The following LLPH variants were observed in gnomAD, a reference collection of about 807,000 sequenced individuals.
LLPH encodes LLP homolog, long-term synaptic facilitation factor, also known as protein LLP homolog.
In LLPH, 5 loss-of-function variants were observed where a neutral mutation model predicts 13.3. The ratio of observed to expected loss-of-function variants is 0.38; its 90% CI spans 0.20 to 0.79. The LOEUF (loss-of-function observed/expected upper bound fraction) is 0.79, where lower values mean the gene tolerates loss of function less well. Among genes scored for constraint, LLPH ranks in the 30% least tolerant of loss-of-function variants. The probability of loss-of-function intolerance (pLI) is 0.45; values close to 1 mark genes in which losing one functional copy is unlikely to be tolerated. For synonymous variants in LLPH, 32 were observed against 44.2 expected (o/e 0.72, Z 1.09); for missense variants, 129 against 152.1 (o/e 0.85, Z 0.80).
chr12:66,129,103 C>T lies in LLPH; in HGVS notation c.4G>A (p.Ala2Thr), dbSNP rs1348985308. 6.2e-7 allele frequency: 1 copy of T among 1,601,906 alleles called. No homozygotes were observed. The highest frequency in any genetic ancestry group is 8.5e-7 in the Non-Finnish European group (1 of 1,174,402). Residue 2 changes from alanine to threonine, a missense_variant, in exon 2 of 3, where the codon GCT becomes ACT. Physicochemically the swap from Ala to Thr is moderately conservative, Grantham distance 58. Coordinates refer to ENST00000266604, the MANE Select transcript of LLPH (RefSeq NM_032338.4). M[A>T]KSLRSKWKRK... ...TTCCACTTACTCCGTAAGCTTTTAG[C>T]CATGTTTTACCTGAAGTTAACAAAA...
In LLPH at chr12:66,128,928, T is replaced by A. The variant is rs1359488564; in HGVS notation, c.179A>T (p.Glu60Val). 9 of 1,612,934 alleles carry A rather than the reference T, an allele frequency of 5.6e-6. No homozygotes were observed. The highest frequency in any genetic ancestry group is 7.6e-6 in the Non-Finnish European group (9 of 1,179,198). The change falls in exon 2 of 3, where the codon GAG (glutamate) becomes GTG (valine). Residue 60 changes from glutamate to valine, a missense_variant. Physicochemically the swap from Glu to Val is moderately radical, Grantham distance 121 (BLOSUM62 -2). Coordinates refer to ENST00000266604, the MANE Select transcript of LLPH (RefSeq NM_032338.4). ...ATCTTTTACCTCACATTGCATTTTC[T>A]CTTGGCAATGTTTGGGTTTGGGTAC... ...VVVPKPKHCQ[E>V]KMQCEVKDEK...
Position 66,128,965 on chromosome 12 carries a change from C to G in LLPH, c.142G>C (p.Ala48Pro). The stretch of plus-strand genomic sequence containing the variant: ...TTGGGTTTGGGTACCACCACAGTTG[C>G]TATCTCTTGAACATCTTTCATTAAA... ...DVLMKDVQEI[A>P]TVVVPKPKHC... Residue 48 changes from alanine (A) to proline (P), a missense_variant, in exon 2 of 3, where the codon GCA becomes CCA. Transcript: ENST00000266604. The G allele has an allele frequency of 6.2e-7, 1 of 1,613,480 alleles. No homozygotes were observed. The highest frequency in any genetic ancestry group is 8.5e-7 in the Non-Finnish European group (1 of 1,179,544).
Position 66,124,032 on chromosome 12 carries a change from T to C in LLPH, c.212-14A>G, listed in dbSNP as rs1447563131. On this transcript the variant is annotated splice_polypyrimidine_tract_variant and intron_variant, in intron 2 of 2. Transcript: ENST00000266604. ...TTTTCATGTCATCTGCATAAAAAGA[T>C]GGAAAAACTATTAACACCATGTATG... 3.2e-6 allele frequency: 5 copies of C among 1,575,716 alleles called. No individual in the cohort carries two copies. The highest frequency in any genetic ancestry group is 2.3e-5 in the South Asian group (2 of 86,268).
intron 2 of LLPH, among the ~76,000 whole-genome samples, chr12:66,127,244 C>CA (rs2051503231): frequency 6.6e-6 from 1 of 152,198 alleles, no homozygotes. Context: ...CTATTCACAA[C>CA]ACCCATAAGG....
At chr12:66,124,258 G>C (rs2051482825) in intron 2 of LLPH, among the ~76,000 whole-genome samples, 1 of 152,192 alleles carries the variant, frequency 6.6e-6, no homozygotes, top group South Asian at 2.1e-4. Flanking sequence ...ATGGTTCTGA[G>C]CACATGTGAG....
Position 66,122,127 on chromosome 12 carries a change from C to T in LLPH, c.*1713G>A, listed in dbSNP as rs2051467383. ...AATTTTAAGCATTTAAAGTTATCTA[C>T]CAACTTTTCAATAAACTATTGAGAA... On this transcript the variant is annotated 3_prime_UTR_variant, in exon 3 of 3. Transcript: ENST00000266604. The T allele has an allele frequency of 1.3e-5, 2 of 152,120 alleles. No homozygotes were observed. The highest frequency in any genetic ancestry group is 6.5e-5 in the Admixed American group (1 of 15,278). The allele number at this position is 152,120 out of a possible 1,614,324, so 9.4% of individuals were successfully genotyped here. A position where few individuals can be genotyped will look rare whatever the true frequency, so the allele number is the denominator to read the frequency against.
rs1351779938 is a variant in LLPH at position 66,121,703 on chromosome 12, G to A, written c.*2137C>T. The A allele has an allele frequency of 6.6e-6, 1 of 151,618 alleles. No homozygotes were observed. Among genetic ancestry groups the A allele is most frequent in the Non-Finnish European group, 1.5e-5 (1 of 67,956 alleles). 9.4% of individuals were successfully genotyped at this position (151,618 alleles called of 1,614,324 possible). On this transcript the variant is annotated 3_prime_UTR_variant, in exon 3 of 3. Transcript: ENST00000266604. ...AGTTTGAGACCAGCCTGGGCAACAT[G>A]GCGAAACCCTGTCTCTACAAAAATA...
rs2051477139 is a variant in LLPH at position 66,123,527 on chromosome 12, A to G, written c.*313T>C. 2 of 292,812 alleles carry G rather than the reference A, an allele frequency of 6.8e-6. No individual in the cohort carries two copies. Among genetic ancestry groups the G allele is most frequent in the South Asian group, 1.7e-4 (2 of 11,888 alleles). The allele number at this position is 292,812 out of a possible 1,614,324, so 18.1% of individuals were successfully genotyped here. On this transcript the variant is annotated 3_prime_UTR_variant, in exon 3 of 3. Coordinates refer to ENST00000266604, the MANE Select transcript of LLPH (RefSeq NM_032338.4). Reference sequence around the variant, plus strand: ...ATCATCTGTTTTATCTCTATTGACTATAATTACCAGTTGTAAGAACAATTC... The same window carrying G: ...ATCATCTGTTTTATCTCTATTGACTGTAATTACCAGTTGTAAGAACAATTC...
rs930558063 is a variant in LLPH at position 66,123,751 on chromosome 12, A to C, written c.*89T>G. ...TAAAATAGGAAAACAAATGGTTTTC[A>C]TTTGGTGGCAGTTGAAATCAAAGTA... On this transcript the variant is annotated 3_prime_UTR_variant, in exon 3 of 3. Transcript: ENST00000266604. 1.2e-5 allele frequency: 16 copies of C among 1,373,370 alleles called. No homozygotes were observed. The highest frequency in any genetic ancestry group is 1.6e-5 in the Non-Finnish European group (16 of 1,016,762). The allele number at this position is 1,373,370 out of a possible 1,614,324, so 85.1% of individuals were successfully genotyped here.
intron 2 of LLPH, 136 bp downstream of exon 2, chr12:66,128,760 C>G: frequency 1.5e-6 from 1 of 649,416 alleles, no homozygotes; most frequent in Non-Finnish European, 2.7e-6. Context: ...GGGAAGAATC[C>G]GCTTCAGCTC....
intron 1 of LLPH, among the ~76,000 whole-genome samples, chr12:66,129,534 C>G (rs2051520943): frequency 6.6e-6 from 1 of 151,970 alleles, no homozygotes; most frequent in African/African-American, 2.4e-5. Context: ...TACAGGCGCC[C>G]GCCACCACGC....
In LLPH at chr12:66,122,420, C is replaced by T. The variant is rs1422015564; in HGVS notation, c.*1420G>A. The T allele has an allele frequency of 6.6e-6, 1 of 152,096 alleles. No individual in the cohort carries two copies. The highest frequency in any genetic ancestry group is 1.5e-5 in the Non-Finnish European group (1 of 68,034). The allele number at this position is 152,096 out of a possible 1,614,324, so 9.4% of individuals were successfully genotyped here. On this transcript the variant is annotated 3_prime_UTR_variant, in exon 3 of 3. Transcript: ENST00000266604. ...TACACAGCTCTCAGCCCTATGAGAGCAGAAATCTTATCTTATTCAATCTGT... is the reference window on the plus strand; with the variant it reads ...TACACAGCTCTCAGCCCTATGAGAGTAGAAATCTTATCTTATTCAATCTGT...
At chr12:66,129,143 G>T in intron 1 of LLPH, 30 bp from the exon 2 acceptor site, 4 of 1,416,516 alleles carry the variant, frequency 2.8e-6, no homozygotes, top group Non-Finnish European at 3.9e-6. Context: ...ACATTCAAAA[G>T]CAAATCTTTA....
Position 66,117,664 on chromosome 12 carries a change from A to G in LLPH, c.*6176T>C, listed in dbSNP as rs1209121104. On this transcript the variant is annotated 3_prime_UTR_variant, in exon 3 of 3. Coordinates refer to ENST00000266604, the MANE Select transcript of LLPH (RefSeq NM_032338.4). Reference sequence around the variant, plus strand: ...GTGAACAGCCTCAGGCAGGTCCTCCAGAAGGTATTGCACAAGAAGGTGTTG... The same window carrying G: ...GTGAACAGCCTCAGGCAGGTCCTCCGGAAGGTATTGCACAAGAAGGTGTTG... 2 of 152,380 alleles carry G rather than the reference A, an allele frequency of 1.3e-5. No homozygotes were observed. Among genetic ancestry groups the G allele is most frequent in the East Asian group, 3.9e-4 (2 of 5,192 alleles). The allele number at this position is 152,380 out of a possible 1,614,324, so 9.4% of individuals were successfully genotyped here.
chr12:66,127,887 G>A (rs1373983738), intron 2 of LLPH, among the ~76,000 whole-genome samples: 1 of 152,194 alleles, frequency 6.6e-6, no homozygotes, highest in Non-Finnish European at 1.5e-5. Flanking sequence ...CCCAGTGGAG[G>A]AGACTGATAA....
chr12:66,124,059 A>G, intron 2 of LLPH, 41 bp from the exon 3 acceptor site: 1 of 1,378,430 alleles, frequency 7.3e-7, no homozygotes, highest in Non-Finnish European at 1.0e-6. Context: ...CCATGTATGA[A>G]AAAAACCACC....
chr12:66,129,186 A>AACC (rs2051517538), intron 1 of LLPH, 73 bp from the exon 2 acceptor site: 1 of 958,494 alleles, frequency 1.0e-6, no homozygotes, highest in Admixed American at 2.2e-5. Flanking sequence ...ATCCTTAGAA[A>AACC]ACCAGGCCAA....
chr12:66,129,869 T>C (rs1246977236), intron 1 of LLPH, among the ~76,000 whole-genome samples: 1 of 152,198 alleles, frequency 6.6e-6, no homozygotes, highest in East Asian at 1.9e-4. Context: ...TTGTTTTCTT[T>C]CCACTCAGTT....
At chr12:66,127,191 C>CTTGT (rs1465481595) in intron 2 of LLPH, among the ~76,000 whole-genome samples, 2 of 152,028 alleles carry the variant, frequency 1.3e-5, no homozygotes, top group Non-Finnish European at 2.9e-5. Flanking sequence ...AGCAATTCCA[C>CTTGT]TTATCAAACA....
Sources: allele counts gnomAD v4.1 joint callset (sites outside exome capture counted in the v4.1 genomes callset), GRCh38; gene constraint gnomAD v4.1.1; transcripts MANE v1.5; gene names NCBI Gene and HGNC (gene_info 2026-07-23, HGNC 2026-07-21).